The following ITGA2 variants were observed in gnomAD, a reference collection of about 807,000 sequenced individuals.
ITGA2 encodes the protein integrin alpha-2.
ITGA2 carries 101 observed loss-of-function variants against 146.3 expected under a neutral mutation model. The observed-to-expected ratio is 0.69, with a 90% CI of 0.59 to 0.81. The LOEUF (loss-of-function observed/expected upper bound fraction) is 0.81, where lower values mean the gene tolerates loss of function less well. Ranked by LOEUF, ITGA2 falls within the 40% of genes least tolerant of loss-of-function variation. The pLI is 0.00. For synonymous variants in ITGA2, 477 were observed against 487.1 expected, an observed-to-expected ratio of 0.98 and a Z score of 0.27; for missense variants, 1,281 against 1,402.7, an observed-to-expected ratio of 0.91 and a Z score of 1.39.
At chr5:53,028,319 G>A (rs1049766138) in intron 2 of ITGA2, among the ~76,000 whole-genome samples, 4 of 152,174 alleles carry the variant, frequency 2.6e-5, no homozygotes, top group African/African-American at 9.6e-5. Flanking sequence ...AGGATGAAGA[G>A]GCTGGAGATG....
At chr5:53,001,558 G>A (rs573595208) in intron 1 of ITGA2, among the ~76,000 whole-genome samples, 59 of 152,150 alleles carry the variant, frequency 3.9e-4, no homozygotes, top group African/African-American at 1.3e-3. Context: ...CTGTCCTCTA[G>A]CAAGACAAAA....
chr5:53,000,214 TCA>T (rs1741497632), intron 1 of ITGA2, among the ~76,000 whole-genome samples: 1 of 152,212 alleles, frequency 6.6e-6, no homozygotes. Context: ...AGTATTTTTA[TCA>T]CACAGTTCTT....
At chr5:53,039,087 C>T (rs1422176363) in intron 2 of ITGA2, among the ~76,000 whole-genome samples, 4 of 152,066 alleles carry the variant, frequency 2.6e-5, no homozygotes, top group Non-Finnish European at 5.9e-5. Context: ...AAGACGAGAC[C>T]ATCTCAAAAA....
intron 28 of ITGA2, among the ~76,000 whole-genome samples, chr5:53,088,341 A>G (rs1740216462): frequency 6.6e-6 from 1 of 152,230 alleles, no homozygotes; most frequent in African/African-American, 2.4e-5. Flanking sequence ...ATACTAATAA[A>G]TAACAGAAGC....
In ITGA2 at chr5:53,091,871, GA is replaced by G. The variant is rs529322208; in HGVS notation, c.*1274del. 2 of 152,206 alleles carry G rather than the reference GA, an allele frequency of 1.3e-5. No homozygotes were observed. Among genetic ancestry groups the G allele is most frequent in the South Asian group, 4.1e-4 (2 of 4,830 alleles). 9.4% of individuals were successfully genotyped at this position (152,206 alleles called of 1,614,324 possible). A position where few individuals can be genotyped will look rare whatever the true frequency, so the allele number is the denominator to read the frequency against. ...AGTAAGACATCTCAGGATTTCACCA[GA>G]AGTTACAGATGAGGCACTGGAAGCC... is the stretch of plus-strand genomic sequence containing the variant. On this transcript the variant is annotated 3_prime_UTR_variant, in exon 30 of 30. Coordinates refer to ENST00000296585, the MANE Select transcript of ITGA2 (RefSeq NM_002203.4).
rs191621899 is a variant in ITGA2 at position 53,006,212 on chromosome 5, A to T, written c.64+16680A>T. ...TGCACATTCTGCACATGTATCCCAG[A>T]ACTTAAAATAAAAAGTTACAGTTGT... On this transcript the variant is annotated intron_variant, in intron 1 of 29. Coordinates refer to ENST00000296585, the MANE Select transcript of ITGA2 (RefSeq NM_002203.4). Among the ~76,000 whole-genome samples the T allele has an allele frequency of 3.2e-3, 495 of 152,318 alleles. 3 individuals are homozygous for T. Among genetic ancestry groups the T allele is most frequent in the African/African-American group, 0.011 (441 of 41,570 alleles).
intron 28 of ITGA2, among the ~76,000 whole-genome samples, chr5:53,087,452 T>C (rs1746214070): frequency 6.6e-6 from 1 of 152,216 alleles, no homozygotes; most frequent in African/African-American, 2.4e-5. Context: ...ATTTAAATCA[T>C]AAATTGTATT....
At chr5:53,041,580 A>C (rs531818956) in intron 2 of ITGA2, among the ~76,000 whole-genome samples, 1 of 152,262 alleles carries the variant, frequency 6.6e-6, no homozygotes, top group East Asian at 1.9e-4. Flanking sequence ...TGTGCTGAAC[A>C]ATACGTAGCC....
intron 2 of ITGA2, among the ~76,000 whole-genome samples, chr5:53,027,426 A>G (rs776784344): frequency 1.3e-5 from 2 of 152,156 alleles, no homozygotes; most frequent in Non-Finnish European, 2.9e-5. Context: ...TTTTGCCCCA[A>G]AGTGCTCCCA....
chr5:53,012,498 C>A (rs1742183709), intron 1 of ITGA2, among the ~76,000 whole-genome samples: 1 of 152,002 alleles, frequency 6.6e-6, no homozygotes. Context: ...TGTTGGGCTA[C>A]CTTTGGTGGG....
intron 1 of ITGA2, among the ~76,000 whole-genome samples, chr5:52,990,568 GTT>G (rs59093202): frequency 0.43 from 61,744 of 144,036 alleles, 13,292 homozygotes; most frequent in East Asian, 0.58. Context: ...TGTGTGTGTG[GTT>G]TTTTTTTTTT....
intron 2 of ITGA2, among the ~76,000 whole-genome samples, chr5:53,037,505 G>A (rs767002218): frequency 5.3e-5 from 8 of 152,104 alleles, no homozygotes; most frequent in Non-Finnish European, 7.4e-5. Flanking sequence ...AAATTTCATA[G>A]AGAAATATAA....
chr5:53,027,196 A>C (rs1742991731), intron 2 of ITGA2, among the ~76,000 whole-genome samples: 1 of 152,220 alleles, frequency 6.6e-6, no homozygotes, highest in Non-Finnish European at 1.5e-5. Context: ...ATGTAAACTG[A>C]TATTCATTGA....
rs924175172 is a variant in ITGA2, at chr5:53,006,737, G to C, written c.64+17205G>C. Among the ~76,000 whole-genome samples the C allele has an allele frequency of 1.5e-3, 228 of 152,234 alleles. 1 individual carries two copies. Among genetic ancestry groups the C allele is most frequent in the African/African-American group, 4.6e-3 (189 of 41,526 alleles). ...AAAACAAGTGAAGCCGAAGTTTCAG[G>C]GGCCCTCCCTGTGCACTTCCCTTCC... On this transcript the variant is annotated intron_variant, in intron 1 of 29. Coordinates refer to ENST00000296585, the MANE Select transcript of ITGA2 (RefSeq NM_002203.4).
chr5:53,048,325 C>G, intron 4 of ITGA2, 38 bp from the exon 5 acceptor site: 2 of 1,488,668 alleles, frequency 1.3e-6, no homozygotes, highest in Non-Finnish European at 1.9e-6. Flanking sequence ...TTGCATTTTT[C>G]ATGTGTTTCC....
At chr5:52,996,329 G>A (rs1403530848) in intron 1 of ITGA2, among the ~76,000 whole-genome samples, 10 of 152,176 alleles carry the variant, frequency 6.6e-5, no homozygotes, top group African/African-American at 2.4e-4. Flanking sequence ...GAAACTGAGG[G>A]AAGGGGAGGA....
At chr5:53,013,918 G>A (rs983066162) in intron 1 of ITGA2, among the ~76,000 whole-genome samples, 1 of 152,034 alleles carries the variant, frequency 6.6e-6, no homozygotes, top group African/African-American at 2.4e-5. Flanking sequence ...CGTTATTGGT[G>A]TATAGGAATG....
intron 11 of ITGA2, among the ~76,000 whole-genome samples, chr5:53,060,469 T>C (rs1177492204): frequency 6.6e-6 from 1 of 151,962 alleles, no homozygotes; most frequent in Non-Finnish European, 1.5e-5. Flanking sequence ...CTTTGAGAGA[T>C]AGCAAGATTA....
Position 53,025,127 on chromosome 5 carries a change from A to G in ITGA2, c.65-1621A>G, listed in dbSNP as rs137874480. On this transcript the variant is annotated intron_variant, in intron 1 of 29. Coordinates refer to ENST00000296585, the MANE Select transcript of ITGA2 (RefSeq NM_002203.4). ...ATTTTAAAGGTGAAAGCAGTTTGGC[A>G]TCATCTCTCCACGCTAATATGTTAG... Among the ~76,000 whole-genome samples, 3 of 152,276 alleles carry G rather than the reference A, an allele frequency of 2.0e-5. No individual in the cohort carries two copies. The East Asian group carries it at 5.8e-4, about 29-fold the overall frequency.
Sources: gnomAD v4.1 joint callset for allele counts (sites outside exome capture counted in the v4.1 genomes callset) on GRCh38, gnomAD v4.1.1 for gene constraint, MANE v1.5 for transcripts, NCBI Gene and HGNC (gene_info 2026-07-23, HGNC 2026-07-21) for gene names.